Variants in PPP2R3B observed in about 807,000 individuals in gnomAD.
PPP2R3B encodes the protein protein phosphatase 2 regulatory subunit B''beta, also known as serine/threonine-protein phosphatase 2A regulatory subunit B'' subunit beta.
In PPP2R3B, 68 loss-of-function variants were observed where a neutral mutation model predicts 72.9. The ratio of observed to expected loss-of-function variants is 0.93; its 90% CI spans 0.77 to 1.14. PPP2R3B has a LOEUF of 1.14. Ranked by LOEUF, PPP2R3B falls within the 50% of genes most tolerant of loss-of-function variation. The probability of loss-of-function intolerance (pLI) is 0.00; values close to 1 mark genes in which losing one functional copy is unlikely to be tolerated. For synonymous variants in PPP2R3B, 466 were observed against 375.8 expected, an observed-to-expected ratio of 1.24 and a Z score of -2.78; for missense variants, 1,018 against 842.0, an observed-to-expected ratio of 1.21 and a Z score of -2.59.
At chrX:359,867 G>C (rs755946173) in intron 2 of PPP2R3B, 4 of 514,972 alleles carry the variant, frequency 7.8e-6, no homozygotes, top group African/African-American at 7.7e-5. Context: ...AGCACAGACA[G>C]GGACAGAACC....
rs1206096500 is a variant in PPP2R3B, at chrX:334,159, G to A, written c.*208C>T. ...CCGTGTGGGAACCCGTCCCATTCAC[G>A]CGCGGCCCTACGTGTCCCCCTGGCA... On this transcript the variant is annotated 3_prime_UTR_variant, in exon 13 of 13. Coordinates refer to ENST00000390665, the MANE Select transcript of PPP2R3B (RefSeq NM_013239.5). 4.1e-5 allele frequency: 20 copies of A among 486,572 alleles called. No individual in the cohort carries two copies. The highest frequency in any genetic ancestry group is 2.6e-4 in the South Asian group (6 of 23,274). The allele number at this position is 486,572 out of a possible 1,614,324, so 30.1% of individuals were successfully genotyped here.
At chrX:384,981 T>TAA (rs2072211999) in intron 1 of PPP2R3B, among the ~76,000 whole-genome samples, 1 of 45,060 alleles carries the variant, frequency 2.2e-5, no homozygotes, top group African/African-American at 1.2e-4. Flanking sequence ...AGAATCTGTC[T>TAA]CAAAAAAAAA....
intron 8 of PPP2R3B, 91 bp from the exon 9 acceptor site, chrX:341,487 G>C: frequency 1.5e-6 from 2 of 1,341,336 alleles, no homozygotes; most frequent in South Asian, 1.2e-5. Context: ...TCGGTGAGGG[G>C]AGCCCCCCGG....
intron 10 of PPP2R3B, among the ~76,000 whole-genome samples, chrX:340,319 A>ACC: frequency 6.7e-6 from 1 of 149,784 alleles, no homozygotes; most frequent in Non-Finnish European, 1.5e-5. Flanking sequence ...TCTCTAGGTC[A>ACC]CCCCTCGGGG....
chrX:368,933 C>T (rs1405487710), intron 1 of PPP2R3B, among the ~76,000 whole-genome samples: 4 of 152,168 alleles, frequency 2.6e-5, no homozygotes, highest in Non-Finnish European at 5.9e-5. Flanking sequence ...CACTAATAGA[C>T]GAGAGATGGA....
intron 1 of PPP2R3B, among the ~76,000 whole-genome samples, chrX:368,104 CG>C (rs1170890310): frequency 2.0e-5 from 3 of 151,400 alleles, no homozygotes; most frequent in Non-Finnish European, 4.4e-5. Flanking sequence ...CCACCCACCC[CG>C]GGCACAGACA....
chrX:346,113 G>T, intron 6 of PPP2R3B, 61 bp downstream of exon 6: 2 of 1,205,400 alleles, frequency 1.7e-6, no homozygotes, highest in Non-Finnish European at 2.3e-6. Flanking sequence ...GAAGGGAAGG[G>T]AGTGGAGGTA....
chrX:343,813 T>G (rs565874566), intron 7 of PPP2R3B, among the ~76,000 whole-genome samples: 7,167 of 14,074 alleles, frequency 0.51, 2,649 homozygotes, highest in Middle Eastern at 0.92. Context: ...GACGCGGGAG[T>G]GAGACCTCAG....
chrX:341,788 G>C, intron 8 of PPP2R3B, 95 bp downstream of exon 8: 1 of 1,347,824 alleles, frequency 7.4e-7, no homozygotes, highest in Non-Finnish European at 1.1e-6. Context: ...ACTCGCTGTC[G>C]GGGCACAAAA....
intron 2 of PPP2R3B, 90 bp downstream of exon 2, chrX:361,315 G>T: frequency 6.9e-7 from 1 of 1,452,994 alleles, no homozygotes; most frequent in Non-Finnish European, 9.5e-7. Context: ...TCACGCTCGT[G>T]TGACACGCAC....
chrX:372,594 C>T (rs1463997317), intron 1 of PPP2R3B, among the ~76,000 whole-genome samples: 3 of 147,150 alleles, frequency 2.0e-5, no homozygotes, highest in Non-Finnish European at 4.4e-5. Flanking sequence ...ACTCGTAAAA[C>T]TAACTCATAC....
At chrX:339,081 G>A (rs1342209739) in intron 10 of PPP2R3B, among the ~76,000 whole-genome samples, 185 bp from the exon 11 acceptor site, 20 of 152,088 alleles carry the variant, frequency 1.3e-4, no homozygotes, top group Non-Finnish European at 1.8e-4. Context: ...GGACTGAGGC[G>A]TGGGAGGCCG....
At chrX:364,831 T>A (rs1485612271) in intron 1 of PPP2R3B, among the ~76,000 whole-genome samples, 1 of 50,274 alleles carries the variant, frequency 2.0e-5, no homozygotes, top group Non-Finnish European at 3.3e-5. Context: ...TGCAGTGAGC[T>A]GAGATCGCAC....
intron 2 of PPP2R3B, chrX:347,935 C>G: frequency 4.3e-6 from 2 of 470,280 alleles, no homozygotes; most frequent in Non-Finnish European, 7.4e-6. Flanking sequence ...ACAGACCACG[C>G]GTGGGCACTG....
In PPP2R3B at chrX:379,107, CTG is replaced by C. The variant is rs764437834; in HGVS notation, c.324+7259_324+7260del. The stretch of plus-strand genomic sequence containing the variant: ...TGCACCTACGTGTGTGTGTATGCAC[CTG>C]TGTGTGCACCTGTGTGTATGCACCT... On this transcript the variant is annotated intron_variant, in intron 1 of 12. Coordinates refer to ENST00000390665, the MANE Select transcript of PPP2R3B (RefSeq NM_013239.5). Among the ~76,000 whole-genome samples, 394 of 145,974 alleles carry C rather than the reference CTG, an allele frequency of 2.7e-3. 1 individual carries two copies. Among genetic ancestry groups the C allele is most frequent in the African/African-American group, 9.4e-3 (364 of 38,682 alleles).
intron 2 of PPP2R3B, chrX:359,840 A>C (rs1272504743): frequency 5.8e-6 from 3 of 514,964 alleles, no homozygotes; most frequent in Admixed American, 2.0e-5. Context: ...GGAAACTATT[A>C]CCTCTGGGGT....
At chrX:341,961 C>G (rs372906740) in intron 7 of PPP2R3B, 30 bp from the exon 8 acceptor site, 3 of 1,612,246 alleles carry the variant, frequency 1.9e-6, no homozygotes, top group East Asian at 2.2e-5. Flanking sequence ...ATGGGCAGCC[C>G]GCACCGTGCC....
chrX:368,090 G>A (rs1004830478), intron 1 of PPP2R3B, among the ~76,000 whole-genome samples: 1 of 152,214 alleles, frequency 6.6e-6, no homozygotes, highest in Non-Finnish European at 1.5e-5. Flanking sequence ...AGGCAAGGCG[G>A]AGCCCACCCA....
At chrX:370,779 G>A (rs1264913016) in intron 1 of PPP2R3B, among the ~76,000 whole-genome samples, 1 of 152,214 alleles carries the variant, frequency 6.6e-6, no homozygotes. Flanking sequence ...AACGGCACGT[G>A]CCCTGGCGGT....
Sources: gnomAD v4.1 joint callset for allele counts (sites outside exome capture counted in the v4.1 genomes callset) on GRCh38, gnomAD v4.1.1 for gene constraint, MANE v1.5 for transcripts, NCBI Gene and HGNC (gene_info 2026-07-23, HGNC 2026-07-21) for gene names.